The following BID variants were observed in gnomAD, a reference collection of about 807,000 sequenced individuals.
BID encodes the protein BH3-interacting domain death agonist.
BID carries 19 observed loss-of-function variants against 17.4 expected under a neutral mutation model. The observed-to-expected ratio is 1.09, with a 90% CI of 0.76 to 1.60. The LOEUF is 1.60. Ranked by LOEUF, BID falls within the 40% of genes most tolerant of loss-of-function variation. The pLI, the probability that BID is intolerant of heterozygous loss-of-function variation, is 0.00. For synonymous variants in BID, 108 were observed against 102.8 expected (o/e 1.05, Z -0.31); for missense variants, 226 against 256.0 (o/e 0.88, Z 0.80).
Position 17,750,123 on chromosome 22 carries a change from G to C in BID, c.-7C>G. 1.2e-6 allele frequency: 2 copies of C among 1,613,270 alleles called. No individual in the cohort carries two copies. The highest frequency in any genetic ancestry group is 1.7e-4 in the Middle Eastern group (1 of 6,008). On this transcript the variant is annotated 5_prime_UTR_variant, in exon 2 of 6. Coordinates refer to ENST00000622694, the MANE Select transcript of BID (RefSeq NM_001196.4). ...CTCTGACCTCACAGTCCATGGCCTGGGCAGCGCGGCAGCTCCGACTCACTC... is the reference window on the plus strand; with the variant it reads ...CTCTGACCTCACAGTCCATGGCCTGCGCAGCGCGGCAGCTCCGACTCACTC...
At chr22:17,755,669 C>T (rs1017006660) in intron 1 of BID, among the ~76,000 whole-genome samples, 47 of 151,626 alleles carry the variant, frequency 3.1e-4, no homozygotes, top group Non-Finnish European at 5.7e-4. Context: ...GGTGTGGTGG[C>T]GCGTACCTGT....
intron 2 of BID, among the ~76,000 whole-genome samples, chr22:17,748,431 C>T (rs142506534): frequency 0.031 from 4,389 of 142,918 alleles, 98 homozygotes; most frequent in African/African-American, 0.072. Flanking sequence ...TGGCCTGAAC[C>T]CGGGAGGCGG....
rs749451392 is a variant in BID at position 17,738,226 on chromosome 22, G to A, written c.367C>T (p.Arg123Trp). Reference protein sequence around the residue: ...LRNTSRSEEDRNRDLATALEQ... With the variant: ...LRNTSRSEEDWNRDLATALEQ... ...AGGGCAGTGGCCAGGTCCCTGTTCC[G>A]GTCCTGCACAGAGGGGCACACAGAA... The change falls in exon 5 of 6, where the codon CGG (arginine) becomes TGG (tryptophan). Residue 123 changes from arginine (R) to tryptophan (W), a missense_variant. By Grantham distance (101) the Arg-to-Trp change is moderately radical. Transcript: ENST00000622694. 43 of 1,609,558 alleles carry A rather than the reference G, an allele frequency of 2.7e-5. No homozygotes were observed. In the Admixed American group the frequency reaches 4.3e-4, roughly 16 times the overall value.
chr22:17,755,542 C>T (rs911990846), intron 1 of BID, among the ~76,000 whole-genome samples: 9 of 151,968 alleles, frequency 5.9e-5, no homozygotes, highest in African/African-American at 2.2e-4. Flanking sequence ...GTGGCTCATG[C>T]CTGTAATCCC....
At chr22:17,747,230 C>A (rs1020747050) in intron 2 of BID, among the ~76,000 whole-genome samples, 2 of 152,174 alleles carry the variant, frequency 1.3e-5, no homozygotes, top group Non-Finnish European at 2.9e-5. Flanking sequence ...CCCTGCAGGA[C>A]AGGAGTGGGC....
chr22:17,736,716 A>C (rs1370105271), intron 5 of BID, among the ~76,000 whole-genome samples: 1 of 152,022 alleles, frequency 6.6e-6, no homozygotes, highest in African/African-American at 2.4e-5. Flanking sequence ...TCCTGGGCTC[A>C]AGCAAAGAGA....
In BID at chr22:17,773,514, G is replaced by A. The variant is rs2061735803; in HGVS notation, c.-59+867C>T. 3 of 1,276,384 alleles carry A rather than the reference G, an allele frequency of 2.4e-6. No individual in the cohort carries two copies. Among genetic ancestry groups the A allele is most frequent in the Non-Finnish European group, 3.4e-6 (3 of 892,282 alleles). The allele number at this position is 1,276,384 out of a possible 1,614,324, so 79.1% of individuals were successfully genotyped here. A position where few individuals can be genotyped will look rare whatever the true frequency, so the allele number is the denominator to read the frequency against. On this transcript the variant is annotated intron_variant, in intron 1 of 5. Transcript: ENST00000622694. This position sits in a 1 kb window ranked among gnomAD's most constrained non-coding sequence, Gnocchi z 4.4. ...GGTGCAAGCCTGAGAAGGTGGAAGA[G>A]CTCTGGGTGGGTCCATCTGCTCCTC...
rs8190283 is a variant in BID at position 17,753,295 on chromosome 22, T to C, written c.-58-3121A>G. ...AATGGGACATTTTCTATCAAATCCA[T>C]GATCATATGGGATAACAGAGGGGCA... On this transcript the variant is annotated intron_variant, in intron 1 of 5. Transcript: ENST00000622694. Among the ~76,000 whole-genome samples, 429 of 152,252 alleles carry C rather than the reference T, an allele frequency of 2.8e-3. 2 individuals carry two copies. The highest frequency in any genetic ancestry group is 9.5e-3 in the African/African-American group (393 of 41,550).
intron 3 of BID, among the ~76,000 whole-genome samples, chr22:17,741,452 T>C (rs1464415259): frequency 6.6e-6 from 1 of 151,746 alleles, no homozygotes. Context: ...CTAGGCAAAC[T>C]CAACTACTCA....
At chr22:17,736,399 GT>G (rs2061419867) in intron 5 of BID, among the ~76,000 whole-genome samples, 1 of 151,250 alleles carries the variant, frequency 6.6e-6, no homozygotes, top group Admixed American at 6.6e-5. Flanking sequence ...AGAGGTTGTG[GT>G]GAGCTGAGAT....
chr22:17,737,634 C>T (rs1169881049), intron 5 of BID, among the ~76,000 whole-genome samples: 3 of 152,248 alleles, frequency 2.0e-5, no homozygotes, highest in Non-Finnish European at 4.4e-5. Context: ...GCATGAGCCA[C>T]CGCACTGGCC....
chr22:17,756,334 A>G (rs1213096950), intron 1 of BID, among the ~76,000 whole-genome samples: 2 of 152,372 alleles, frequency 1.3e-5, no homozygotes, highest in East Asian at 3.9e-4. Flanking sequence ...CCCAACAGCC[A>G]CAAGGCACTG....
chr22:17,752,947 G>A (rs926554980), intron 1 of BID, among the ~76,000 whole-genome samples: 16 of 144,962 alleles, frequency 1.1e-4, no homozygotes, highest in Admixed American at 2.1e-4. Flanking sequence ...TTACAGGCAT[G>A]AGCCACCGCG....
In BID at chr22:17,771,511, G is replaced by A. The variant is rs112891937; in HGVS notation, c.-59+2870C>T. ...ACTATAGCCTTGACCTCCCGGGCTC[G>A]AGCAATCCTCCCGTCTCAGCCTCCC... is the stretch of plus-strand genomic sequence containing the variant. On this transcript the variant is annotated intron_variant, in intron 1 of 5. Coordinates refer to ENST00000622694, the MANE Select transcript of BID (RefSeq NM_001196.4). Among the ~76,000 whole-genome samples the A allele has an allele frequency of 2.8e-3, 429 of 151,088 alleles. 1 individual carries two copies. The highest frequency in any genetic ancestry group is 9.9e-3 in the African/African-American group (406 of 41,110).
rs2061739109 is a variant in BID, at chr22:17,773,829, C to A, written c.-59+552G>T. 9.6e-6 allele frequency: 8 copies of A among 829,564 alleles called. No individual in the cohort carries two copies. The highest frequency in any genetic ancestry group is 1.6e-5 in the South Asian group (1 of 62,110). The allele number at this position is 829,564 out of a possible 1,614,324, so 51.4% of individuals were successfully genotyped here. On this transcript the variant is annotated intron_variant, in intron 1 of 5. Transcript: ENST00000622694. This position sits in a 1 kb window ranked among gnomAD's most constrained non-coding sequence, Gnocchi z 4.4. ...GCAGCAGCAGCGAGGATCCGCACAT[C>A]ATTGCCAGTGCTCTAAGGAGCGGGC...
chr22:17,754,230 T>G (rs543481564), intron 1 of BID, among the ~76,000 whole-genome samples: 59 of 145,836 alleles, frequency 4.0e-4, no homozygotes, highest in African/African-American at 1.5e-3. Context: ...CTCTGCCGGA[T>G]GGGGGTGACA....
Position 17,755,559 on chromosome 22 carries a change from T to C in BID, c.-58-5385A>G, listed in dbSNP as rs187964484. On this transcript the variant is annotated intron_variant, in intron 1 of 5. Coordinates refer to ENST00000622694, the MANE Select transcript of BID (RefSeq NM_001196.4). ...GGCTCATGCCTGTAATCCCAGCACT[T>C]TGGGAGGCTGAGGCGGGTGGATCAC... Among the ~76,000 whole-genome samples, 968 of 151,798 alleles carry C rather than the reference T, an allele frequency of 6.4e-3. 7 individuals carry two copies. The highest frequency in any genetic ancestry group is 7.4e-3 in the Non-Finnish European group (504 of 67,892).
intron 2 of BID, 34 bp downstream of exon 2, chr22:17,750,071 C>G (rs369256318): frequency 2.5e-6 from 4 of 1,607,760 alleles, no homozygotes; most frequent in South Asian, 2.2e-5. Context: ...ACCCCGCCCC[C>G]CACAAGGCAC....
At chr22:17,752,911 C>T (rs563291865) in intron 1 of BID, among the ~76,000 whole-genome samples, 11 of 149,742 alleles carry the variant, frequency 7.3e-5, no homozygotes, top group African/African-American at 1.5e-4. Context: ...GTGATCCGCC[C>T]GTCTTGGCCT....
Sources: allele counts gnomAD v4.1 joint callset (sites outside exome capture counted in the v4.1 genomes callset), GRCh38; gene constraint gnomAD v4.1.1; non-coding constraint Gnocchi (gnomAD v3.1); transcripts MANE v1.5; gene names NCBI Gene and HGNC (gene_info 2026-07-23, HGNC 2026-07-21).